GLG1: variants seen among roughly 807,000 people sequenced by gnomAD.
GLG1 encodes golgi glycoprotein 1.
GLG1 carries 38 observed loss-of-function variants against 160.5 expected under a neutral mutation model. The ratio of observed to expected loss-of-function variants is 0.24; its 90% CI spans 0.18 to 0.31. The LOEUF is 0.31. Ranked by LOEUF, GLG1 falls within the 10% of genes least tolerant of loss-of-function variation. The pLI, the probability that GLG1 is intolerant of heterozygous loss-of-function variation, is 1.00. For synonymous variants in GLG1, 644 were observed against 543.4 expected (o/e 1.19, Z -2.57); for missense variants, 1,373 against 1,505.2 (o/e 0.91, Z 1.45).
At chr16:74,548,238 T>C (rs891883087) in intron 1 of GLG1, among the ~76,000 whole-genome samples, 42 of 152,346 alleles carry the variant, frequency 2.8e-4, no homozygotes, top group Non-Finnish European at 3.5e-4. Context: ...GTTCCAATTC[T>C]TACTTGGTAA....
In GLG1 at chr16:74,471,017, A is replaced by G. The variant is rs377493742; in HGVS notation, c.2229+156T>C. Among the ~76,000 whole-genome samples the G allele has an allele frequency of 8.5e-5, 13 of 152,272 alleles. No individual in the cohort carries two copies. The East Asian group carries it at 1.2e-3, about 14-fold the overall frequency. ...AGTGATCCACCCACCTCAGCCTCCC[A>G]AAGTGCTGGGATTACAGGTGTGAGC... is the stretch of plus-strand genomic sequence containing the variant. On this transcript the variant is annotated intron_variant, in intron 15 of 25. Coordinates refer to ENST00000422840, the MANE Select transcript of GLG1 (RefSeq NM_001145667.2).
intron 1 of GLG1, among the ~76,000 whole-genome samples, chr16:74,543,892 T>C (rs1376593509): frequency 6.6e-6 from 1 of 151,740 alleles, no homozygotes; most frequent in Non-Finnish European, 1.5e-5. Context: ...TGTGCTTCAG[T>C]GAGAATAGGG....
rs534597061 is a variant in GLG1, at chr16:74,600,589, G to A, written c.438+6068C>T. On this transcript the variant is annotated intron_variant, in intron 1 of 25. Coordinates refer to ENST00000422840, the MANE Select transcript of GLG1 (RefSeq NM_001145667.2). ...TTTACTAAAAATACAAAAATTAGCC[G>A]GGTGTGGTAGCGCATGTCTGCAGTC... 1.7e-4 allele frequency among the ~76,000 whole-genome samples: 26 copies of A among 150,040 alleles called. 1 individual carries two copies. In the South Asian group the frequency reaches 4.2e-3, roughly 24 times the overall value.
chr16:74,508,938 G>GA lies in GLG1; in HGVS notation c.472-14_472-13insT. 1 of 1,098,446 alleles carries GA rather than the reference G, an allele frequency of 9.1e-7. No individual in the cohort carries two copies. Among genetic ancestry groups the GA allele is most frequent in the Non-Finnish European group, 1.4e-6 (1 of 731,750 alleles). The allele number at this position is 1,098,446 out of a possible 1,614,324, so 68.0% of individuals were successfully genotyped here. On this transcript the variant is annotated splice_polypyrimidine_tract_variant and intron_variant, in intron 2 of 25. Coordinates refer to ENST00000422840, the MANE Select transcript of GLG1 (RefSeq NM_001145667.2). ...AATTCCACAACAACTAGATAGGAGAGGAAAAAAAAAAACAAAGAAAAACTC... is the reference window on the plus strand; with the variant it reads ...AATTCCACAACAACTAGATAGGAGAGAGAAAAAAAAAAACAAAGAAAAACTC...
At chr16:74,503,850 T>C in intron 3 of GLG1, 104 bp from the exon 4 acceptor site, 1 of 758,920 alleles carries the variant, frequency 1.3e-6, no homozygotes, top group Non-Finnish European at 2.2e-6. Flanking sequence ...GATTTCCTAA[T>C]TCTTTACTTG....
intron 2 of GLG1, among the ~76,000 whole-genome samples, chr16:74,513,505 G>T (rs1452482186): frequency 1.3e-5 from 2 of 152,202 alleles, no homozygotes; most frequent in East Asian, 3.9e-4. Context: ...AGGCAAACAG[G>T]GTCTGGAATG....
chr16:74,607,098 G>A lies in GLG1; in HGVS notation c.-4C>T. ...GTACACGTCCACACGCCGCCATCTTGAGTCCGCGGCGAGCTCGACGCACTC... is the reference window on the plus strand; with the variant it reads ...GTACACGTCCACACGCCGCCATCTTAAGTCCGCGGCGAGCTCGACGCACTC... On this transcript the variant is annotated 5_prime_UTR_variant, in exon 1 of 26. Coordinates refer to ENST00000422840, the MANE Select transcript of GLG1 (RefSeq NM_001145667.2). 6.5e-7 allele frequency: 1 copy of A among 1,527,966 alleles called. No individual in the cohort carries two copies. Among genetic ancestry groups the A allele is most frequent in the South Asian group, 1.2e-5 (1 of 83,784 alleles). 94.7% of individuals were successfully genotyped at this position (1,527,966 alleles called of 1,614,324 possible).
At chr16:74,468,849 T>C (rs1039700868) in intron 17 of GLG1, 97 bp downstream of exon 17, 5 of 757,700 alleles carry the variant, frequency 6.6e-6, no homozygotes, top group Admixed American at 1.8e-5. Flanking sequence ...ACCATCACAG[T>C]AGTGGATAAA....
intron 1 of GLG1, among the ~76,000 whole-genome samples, chr16:74,581,433 G>T (rs1957934727): frequency 6.6e-6 from 1 of 151,178 alleles, no homozygotes; most frequent in Non-Finnish European, 1.5e-5. Flanking sequence ...GGAATACCTA[G>T]AGTAGTCAAA....
At chr16:74,484,041 G>A (rs1468659113) in intron 9 of GLG1, among the ~76,000 whole-genome samples, 1 of 151,964 alleles carries the variant, frequency 6.6e-6, no homozygotes, top group South Asian at 2.1e-4. Context: ...TATCTTAAAT[G>A]TATTTTCATC....
At chr16:74,485,509 C>A (rs189799600) in intron 9 of GLG1, among the ~76,000 whole-genome samples, 2 of 152,102 alleles carry the variant, frequency 1.3e-5, no homozygotes, top group Non-Finnish European at 2.9e-5. Context: ...TTAATTTGAT[C>A]GTGATATAAA....
chr16:74,525,258 C>T (rs984535933), intron 2 of GLG1, among the ~76,000 whole-genome samples: 2 of 152,178 alleles, frequency 1.3e-5, no homozygotes, highest in African/African-American at 4.8e-5. Flanking sequence ...TCACATTCCA[C>T]CAGCAATTTC....
intron 23 of GLG1, among the ~76,000 whole-genome samples, chr16:74,458,807 C>A (rs1341031686): frequency 6.6e-6 from 1 of 152,174 alleles, no homozygotes; most frequent in Non-Finnish European, 1.5e-5. Flanking sequence ...AAGAGCAATT[C>A]TTATTTGTGT....
intron 25 of GLG1, 27 bp downstream of exon 25, chr16:74,456,621 TA>T (rs756756634): frequency 8.3e-6 from 12 of 1,448,070 alleles, no homozygotes; most frequent in Non-Finnish European, 1.2e-5. Context: ...TTTGTTTTTT[TA>T]AAAAAGGAGA....
intron 1 of GLG1, among the ~76,000 whole-genome samples, chr16:74,599,624 G>A (rs1261393138): frequency 6.6e-6 from 1 of 152,116 alleles, no homozygotes; most frequent in Non-Finnish European, 1.5e-5. Context: ...CAGCACTTTC[G>A]GAGGCCGAGG....
At chr16:74,488,782 G>A (rs534665018) in intron 8 of GLG1, among the ~76,000 whole-genome samples, 44 of 151,918 alleles carry the variant, frequency 2.9e-4, no homozygotes, top group Non-Finnish European at 5.3e-4. Context: ...ACCACGCCCG[G>A]CTAATTTCGT....
At chr16:74,538,628 T>C (rs2017748781) in intron 1 of GLG1, among the ~76,000 whole-genome samples, 1 of 152,234 alleles carries the variant, frequency 6.6e-6, no homozygotes, top group African/African-American at 2.4e-5. Flanking sequence ...AACAATGTTC[T>C]GATTCACTAA....
Position 74,452,685 on chromosome 16 carries a change from G to A in GLG1, c.*482C>T. On this transcript the variant is annotated 3_prime_UTR_variant, in exon 26 of 26. Transcript: ENST00000422840. The stretch of plus-strand genomic sequence containing the variant: ...AGACACCTCAGTCATGGCACACTGG[G>A]TGGTGTGCTTCCCCTCCAAGTCCTG... The A allele has an allele frequency of 1.1e-5, 11 of 993,526 alleles. No homozygotes were observed. Among genetic ancestry groups the A allele is most frequent in the Non-Finnish European group, 1.3e-5 (11 of 834,362 alleles). 61.5% of individuals were successfully genotyped at this position (993,526 alleles called of 1,614,324 possible).
Position 74,491,105 on chromosome 16 carries a change from C to G in GLG1, c.1345G>C (p.Glu449Gln). The change falls in exon 8 of 26, where the codon GAA becomes CAA. Residue 449 changes from glutamate to glutamine, a missense_variant. Glu to Gln is a conservative substitution (Grantham distance 29, BLOSUM62 2). Around this residue, in one of 4 missense-constraint regions of GLG1, gnomAD observed 386 missense variants for 388.5 expected, o/e 0.99. Coordinates refer to ENST00000422840, the MANE Select transcript of GLG1 (RefSeq NM_001145667.2). ...EIILSCRGEI[E>Q]HHCSGLHRKG... Reference sequence around the variant, plus strand: ...CGATGTAATCCGGAACAATGGTGTTCAATCTCCCCCCGACAGCTTAGGATG... The same window carrying G: ...CGATGTAATCCGGAACAATGGTGTTGAATCTCCCCCCGACAGCTTAGGATG... 2 of 1,614,044 alleles carry G rather than the reference C, an allele frequency of 1.2e-6. No homozygotes were observed. Among genetic ancestry groups the G allele is most frequent in the Non-Finnish European group, 1.7e-6 (2 of 1,179,926 alleles).
Sources: allele counts gnomAD v4.1 joint callset (sites outside exome capture counted in the v4.1 genomes callset), GRCh38; gene constraint gnomAD v4.1.1; regional missense constraint gnomAD v4.1.1; transcripts MANE v1.5; gene names NCBI Gene and HGNC (gene_info 2026-07-23, HGNC 2026-07-21).